Variants in KMT5B observed in about 807,000 individuals in gnomAD.
KMT5B encodes lysine methyltransferase 5B.
In KMT5B, 10 loss-of-function variants were observed where a neutral mutation model predicts 83.2. That is an observed-to-expected ratio of 0.12 (90% CI 0.07 to 0.20). The LOEUF is 0.20. KMT5B is among the 10% of genes least tolerant of loss of function. The pLI, the probability that KMT5B is intolerant of heterozygous loss-of-function variation, is 1.00. For missense variants in KMT5B, 753 were observed against 1,067.2 expected (o/e 0.71, Z 4.10); for synonymous variants, 349 against 388.8 (o/e 0.90, Z 1.20).
At chr11:68,186,056 A>T in intron 2 of KMT5B, 128 bp from the exon 3 acceptor site, 1 of 812,088 alleles carries the variant, frequency 1.2e-6, no homozygotes, top group South Asian at 2.0e-5. Context: ...TTTAGTAATT[A>T]AGAATTTAAT....
At chr11:68,201,242 G>C (rs1859407494) in intron 1 of KMT5B, among the ~76,000 whole-genome samples, 1 of 152,130 alleles carries the variant, frequency 6.6e-6, no homozygotes, top group African/African-American at 2.4e-5. Context: ...CTGGGGGGAA[G>C]GATAACTTTC....
intron 1 of KMT5B, among the ~76,000 whole-genome samples, chr11:68,207,310 G>C (rs1337014241): frequency 6.6e-6 from 1 of 152,028 alleles, no homozygotes; most frequent in African/African-American, 2.4e-5. Context: ...ACACAGTTTA[G>C]TTTGTGGTGT....
chr11:68,166,072 CCA>C (rs1172215588), intron 10 of KMT5B: 12 of 1,530,040 alleles, frequency 7.8e-6, no homozygotes, highest in South Asian at 7.6e-5. Flanking sequence ...CATTTAAGTG[CCA>C]ACAAAGGCAT....
chr11:68,169,640 A>C (rs1209564018), intron 9 of KMT5B, among the ~76,000 whole-genome samples: 1 of 152,194 alleles, frequency 6.6e-6, no homozygotes, highest in Non-Finnish European at 1.5e-5. Flanking sequence ...ACAGATGGGG[A>C]AATTAAGGCA....
At chr11:68,201,346 A>C (rs1859418289) in intron 1 of KMT5B, among the ~76,000 whole-genome samples, 1 of 152,262 alleles carries the variant, frequency 6.6e-6, no homozygotes, top group African/African-American at 2.4e-5. Flanking sequence ...ATTTCAAAAG[A>C]AAGCAGCATT....
chr11:68,172,506 A>G (rs1855936994), intron 6 of KMT5B, among the ~76,000 whole-genome samples: 1 of 152,034 alleles, frequency 6.6e-6, no homozygotes, highest in African/African-American at 2.4e-5. Flanking sequence ...AAGTGCTGGG[A>G]TTACAGATGA....
At chr11:68,184,819 A>G (rs567322158) in intron 3 of KMT5B, among the ~76,000 whole-genome samples, 1 of 152,334 alleles carries the variant, frequency 6.6e-6, no homozygotes, top group African/African-American at 2.4e-5. Flanking sequence ...GAAATGATCT[A>G]ATGGTCTTTT....
chr11:68,166,969 C>A lies in KMT5B; in HGVS notation c.1174+13G>T, dbSNP rs1442050581. The A allele has an allele frequency of 2.5e-6, 4 of 1,611,850 alleles. No individual in the cohort carries two copies. In the African/African-American group the frequency reaches 4.0e-5, roughly 16 times the overall value. On this transcript the variant is annotated intron_variant, in intron 10 of 10. Coordinates refer to ENST00000304363, the MANE Select transcript of KMT5B (RefSeq NM_017635.5). Reference sequence around the variant, plus strand: ...CTTTTAAAAGATATGCTTATCAAATCTCCCTTACTTACTTGCATTGTTTTT... The same window carrying A: ...CTTTTAAAAGATATGCTTATCAAATATCCCTTACTTACTTGCATTGTTTTT...
chr11:68,185,430 A>G (rs1857353147), intron 3 of KMT5B, among the ~76,000 whole-genome samples: 1 of 151,722 alleles, frequency 6.6e-6, no homozygotes, highest in African/African-American at 2.4e-5. Flanking sequence ...CTGGTCTCAA[A>G]CTCCTGACCT....
At chr11:68,182,439 A>G (rs1788501167) in intron 3 of KMT5B, among the ~76,000 whole-genome samples, 2 of 152,296 alleles carry the variant, frequency 1.3e-5, no homozygotes, top group South Asian at 2.1e-4. Context: ...GTATAGGAGG[A>G]CTTTTACAGA....
intron 3 of KMT5B, among the ~76,000 whole-genome samples, chr11:68,185,038 A>C (rs1029819527): frequency 1.3e-5 from 2 of 152,210 alleles, no homozygotes; most frequent in African/African-American, 4.8e-5. Flanking sequence ...CAAAGATTAA[A>C]CATGATGACA....
At chr11:68,207,170 C>T (rs1436056079) in intron 1 of KMT5B, among the ~76,000 whole-genome samples, 2 of 150,710 alleles carry the variant, frequency 1.3e-5, no homozygotes, top group East Asian at 3.9e-4. Flanking sequence ...GCCAAGATTG[C>T]GCCACTGCAC....
chr11:68,188,031 T>C (rs1335126009), intron 2 of KMT5B, among the ~76,000 whole-genome samples: 1 of 151,170 alleles, frequency 6.6e-6, no homozygotes, highest in Non-Finnish European at 1.5e-5. Flanking sequence ...TTTTTCTTTT[T>C]TTTTTTTTTT....
In KMT5B at chr11:68,191,173, T is replaced by TGTGTGTG. The variant is rs1858004569; in HGVS notation, c.-76-1022_-76-1021insCACACAC. ...ACCACATCCAGTTAATTTTAAAACT[T>TGTGTGTG]TGTGTGTGTGTGTGTGTGTGTGTGT... On this transcript the variant is annotated intron_variant, in intron 1 of 10. Coordinates refer to ENST00000304363, the MANE Select transcript of KMT5B (RefSeq NM_017635.5). Among the ~76,000 whole-genome samples, 34 of 139,282 alleles carry TGTGTGTG rather than the reference T, an allele frequency of 2.4e-4. No individual in the cohort carries two copies. In the East Asian group the frequency reaches 4.9e-3, roughly 20 times the overall value. The allele number at this position is 139,282 out of a possible 152,430, so 91.4% of individuals were successfully genotyped here. A position where few individuals can be genotyped will look rare whatever the true frequency, so the allele number is the denominator to read the frequency against.
intron 4 of KMT5B, chr11:68,179,660 C>A: frequency 8.3e-7 from 1 of 1,198,692 alleles, no homozygotes; most frequent in Non-Finnish European, 1.1e-6. Context: ...AAAAGGGAGA[C>A]AGGGAAGGAG....
intron 3 of KMT5B, among the ~76,000 whole-genome samples, chr11:68,181,320 G>A (rs1190308017): frequency 1.3e-5 from 2 of 152,078 alleles, no homozygotes; most frequent in African/African-American, 2.4e-5. Flanking sequence ...TGATCCACCC[G>A]CCTCGGCCTC....
chr11:68,156,883 T>C lies in KMT5B; in HGVS notation c.*805A>G, dbSNP rs919877967. The C allele has an allele frequency of 2.6e-5, 4 of 152,664 alleles. No individual in the cohort carries two copies. Among genetic ancestry groups the C allele is most frequent in the African/African-American group, 7.2e-5 (3 of 41,456 alleles). 9.5% of individuals were successfully genotyped at this position (152,664 alleles called of 1,614,324 possible). A position where few individuals can be genotyped will look rare whatever the true frequency, so the allele number is the denominator to read the frequency against. On this transcript the variant is annotated 3_prime_UTR_variant, in exon 11 of 11. Transcript: ENST00000304363. ...TAGTTCATTAGATAAATGTTGCTTG[T>C]TGTCATCACGTTGTTCACAGCAAAT...
intron 2 of KMT5B, among the ~76,000 whole-genome samples, chr11:68,188,647 C>G (rs1486308920): frequency 6.6e-6 from 1 of 152,164 alleles, no homozygotes; most frequent in Non-Finnish European, 1.5e-5. Flanking sequence ...GTGTGAGCTA[C>G]CACGCCCAGA....
rs1859397793 is a variant in KMT5B, at chr11:68,157,678, G to A, written c.*10C>T. The A allele has an allele frequency of 6.5e-7, 1 of 1,533,862 alleles. No individual in the cohort carries two copies. Among genetic ancestry groups the A allele is most frequent in the African/African-American group, 1.4e-5 (1 of 72,024 alleles). On this transcript the variant is annotated 3_prime_UTR_variant, in exon 11 of 11. Transcript: ENST00000304363. ...AAGTAGTTATCCCAGGTCAAGTTAA[G>A]ACCAAGAGCTTAGGCATTAAGCCTT...
Sources: gnomAD v4.1 joint callset for allele counts (sites outside exome capture counted in the v4.1 genomes callset) on GRCh38, gnomAD v4.1.1 for gene constraint, MANE v1.5 for transcripts, NCBI Gene and HGNC (gene_info 2026-07-23, HGNC 2026-07-21) for gene names.